Variants in USP6 observed in about 807,000 individuals in gnomAD.
USP6 encodes the protein ubiquitin carboxyl-terminal hydrolase 6.
A neutral mutation model predicts 175.7 loss-of-function variants in USP6; 128 were observed. The ratio of observed to expected loss-of-function variants is 0.73; its 90% CI spans 0.63 to 0.84. USP6 has a LOEUF of 0.84. USP6 is among the 40% of genes least tolerant of loss of function. The pLI, the probability that USP6 is intolerant of heterozygous loss-of-function variation, is 0.00. For missense variants in USP6, 1,498 were observed against 1,760.3 expected (o/e 0.85, Z 2.67); for synonymous variants, 562 against 630.6 (o/e 0.89, Z 1.63).
At chr17:5,156,134 G>A (rs1298816698) in intron 31 of USP6, among the ~76,000 whole-genome samples, 1 of 152,044 alleles carries the variant, frequency 6.6e-6, no homozygotes, top group Middle Eastern at 3.4e-3. Context: ...TCATTTTAAC[G>A]TGAAGTAATT....
At position 5,139,263 on chromosome 17, in the gene USP6, G is replaced by A. The variant is rs2073365531; in HGVS notation, c.1087G>A (p.Glu363Lys). The change falls in exon 22 of 38, where the codon GAG becomes AAG. Residue 363 changes from glutamate (E) to lysine (K), a missense_variant. This residue lies in a region of USP6 where 1,217 missense variants were observed against 1,500.8 expected (regional missense o/e 0.81). Transcript: ENST00000574788. ...GTCTGTTTTCCTTTCAGCCAAACGC[G>A]AGCAAGGGTCCTTGGCACCCAGGCC... is the stretch of plus-strand genomic sequence containing the variant. The part of the protein sequence containing the change: ...QGDLPPPAKR[E>K]QGSLAPRPVP... 8 of 1,602,072 alleles carry A rather than the reference G, an allele frequency of 5.0e-6. No homozygotes were observed. The highest frequency in any genetic ancestry group is 1.3e-5 in the African/African-American group (1 of 74,924).
intron 7 of USP6, 56 bp downstream of exon 7, chr17:5,127,695 G>A (rs1461863406): frequency 2.0e-5 from 3 of 152,140 alleles, no homozygotes; most frequent in Non-Finnish European, 2.9e-5. Context: ...TAGGGTCCCC[G>A]GGGATGCCAA....
chr17:5,160,759 G>A (rs1567809120), intron 31 of USP6, among the ~76,000 whole-genome samples: 1 of 152,148 alleles, frequency 6.6e-6, no homozygotes, highest in Non-Finnish European at 1.5e-5. Context: ...GGGATTGCTG[G>A]GTCAAATGGT....
At chr17:5,166,309 A>G (rs2074094637) in intron 33 of USP6, among the ~76,000 whole-genome samples, 1 of 152,216 alleles carries the variant, frequency 6.6e-6, no homozygotes, top group South Asian at 2.1e-4. Flanking sequence ...CTGGGTAGTT[A>G]TGCAGTGCTA....
rs2074149895 is a variant in USP6 at position 5,168,776 on chromosome 17, C to T, written c.3238C>T (p.Leu1080Phe). 5 of 1,589,682 alleles carry T rather than the reference C, an allele frequency of 3.1e-6. No homozygotes were observed. Among genetic ancestry groups the T allele is most frequent in the Non-Finnish European group, 4.3e-6 (5 of 1,167,604 alleles). The change falls in exon 35 of 38, where the codon CTT becomes TTT. Residue 1080 changes from leucine (L) to phenylalanine (F), a missense_variant. Leu to Phe is a conservative substitution (Grantham distance 22, BLOSUM62 0). Transcript: ENST00000574788. ...ACCTTTACTTCTCCAGATTATTCAC[C>T]TTAAGCGATTTCAATTTGTAAATGA... Reference protein sequence around the residue: ...WRLPPFLIIHLKRFQFVNDQW... With the variant: ...WRLPPFLIIHFKRFQFVNDQW...
intron 2 of USP6, among the ~76,000 whole-genome samples, chr17:5,119,841 C>G (rs192883887): frequency 6.6e-6 from 1 of 152,138 alleles, no homozygotes; most frequent in Admixed American, 6.5e-5. Context: ...CCTTTTGACC[C>G]GTGAAGAAAC....
intron 11 of USP6, among the ~76,000 whole-genome samples, chr17:5,131,490 T>C (rs1428054383): frequency 2.1e-5 from 3 of 145,638 alleles, no homozygotes; most frequent in Non-Finnish European, 1.5e-5. Context: ...GCCTCAGGGC[T>C]GTTGTCCAGC....
chr17:5,155,754 A>G (rs1454878412), intron 31 of USP6, 148 bp downstream of exon 31: 6 of 666,586 alleles, frequency 9.0e-6, no homozygotes, highest in Non-Finnish European at 1.3e-5. Context: ...TAAAGTATTT[A>G]TTTTAAATAA....
At chr17:5,168,541 T>C (rs1185428584) in intron 34 of USP6, among the ~76,000 whole-genome samples, 1 of 152,256 alleles carries the variant, frequency 6.6e-6, no homozygotes, top group Non-Finnish European at 1.5e-5. Flanking sequence ...CACGTGGCTG[T>C]GGCCACACTG....
At chr17:5,150,691 C>A (rs561521200) in intron 30 of USP6, among the ~76,000 whole-genome samples, 4 of 151,938 alleles carry the variant, frequency 2.6e-5, no homozygotes, top group African/African-American at 7.3e-5. Context: ...GATGGGGTTT[C>A]ACCATGTTGG....
At chr17:5,144,604 C>T (rs2073553171) in intron 25 of USP6, 86 bp from the exon 26 acceptor site, 1 of 1,442,700 alleles carries the variant, frequency 6.9e-7, no homozygotes, top group Admixed American at 2.1e-5. Flanking sequence ...TATTTTCTTA[C>T]AATGGCTCTG....
Position 5,174,615 on chromosome 17 carries a change from C to T in USP6, c.*1637C>T. 1 of 195,122 alleles carries T rather than the reference C, an allele frequency of 5.1e-6. No individual in the cohort carries two copies. The highest frequency in any genetic ancestry group is 8.1e-5 in the East Asian group (1 of 12,320). 12.1% of individuals were successfully genotyped at this position (195,122 alleles called of 1,614,324 possible). A position where few individuals can be genotyped will look rare whatever the true frequency, so the allele number is the denominator to read the frequency against. On this transcript the variant is annotated 3_prime_UTR_variant, in exon 38 of 38. Coordinates refer to ENST00000574788, the MANE Select transcript of USP6 (RefSeq NM_001304284.2). ...AGTAAATAAAATCTGTCCATTCCTA[C>T]CTGGACATGTCCCATTAAAAAGTGG...
At chr17:5,148,296 G>T (rs980340225) in intron 29 of USP6, among the ~76,000 whole-genome samples, 1 of 152,218 alleles carries the variant, frequency 6.6e-6, no homozygotes, top group Non-Finnish European at 1.5e-5. Flanking sequence ...ACAACATGGT[G>T]CTGATACAGG....
intron 30 of USP6, among the ~76,000 whole-genome samples, chr17:5,150,686 G>A (rs1024222368): frequency 1.3e-5 from 2 of 151,742 alleles, no homozygotes; most frequent in East Asian, 3.9e-4. Context: ...GTAGAGATGG[G>A]GTTTCACCAT....
intron 7 of USP6, chr17:5,128,432 T>G (rs1949929526): frequency 6.6e-6 from 1 of 152,244 alleles, no homozygotes; most frequent in Non-Finnish European, 1.5e-5. Flanking sequence ...TTTTGTATTC[T>G]GAGATTCAAC....
chr17:5,129,892 G>A (rs1479132872), intron 8 of USP6, 44 bp from the exon 9 acceptor site: 10 of 173,968 alleles, frequency 5.7e-5, no homozygotes, highest in Non-Finnish European at 8.7e-5. Context: ...CAAGTGATGA[G>A]CGGGGTAGAA....
chr17:5,160,841 CCAACAG>C (rs2073991171), intron 31 of USP6, among the ~76,000 whole-genome samples: 1 of 152,180 alleles, frequency 6.6e-6, no homozygotes, highest in African/African-American at 2.4e-5. Context: ...TACAGTCCCA[CCAACAG>C]TGTAAAAGTG....
intron 25 of USP6, among the ~76,000 whole-genome samples, chr17:5,143,493 C>G (rs1460737225): frequency 1.3e-5 from 2 of 151,524 alleles, no homozygotes; most frequent in Non-Finnish European, 3.0e-5. Context: ...GCTGTGTCCA[C>G]TCAGGGTTAA....
At chr17:5,129,337 CTG>C (rs2072988279) in intron 8 of USP6, 1 of 152,426 alleles carries the variant, frequency 6.6e-6, no homozygotes, top group Non-Finnish European at 1.5e-5. Context: ...GATGGATCCA[CTG>C]TGGGTGGGGA....
Sources: allele counts gnomAD v4.1 joint callset (sites outside exome capture counted in the v4.1 genomes callset), GRCh38; gene constraint gnomAD v4.1.1; regional missense constraint gnomAD v4.1.1; transcripts MANE v1.5; gene names NCBI Gene and HGNC (gene_info 2026-07-23, HGNC 2026-07-21).